The following KCNH1 variants were observed in gnomAD, a reference collection of about 807,000 sequenced individuals.
KCNH1 encodes the protein potassium voltage-gated channel subfamily H member 1, also known as voltage-gated delayed rectifier potassium channel KCNH1.
In KCNH1, 27 loss-of-function variants were observed where a neutral mutation model predicts 69.2. The observed-to-expected ratio is 0.39, with a 90% CI of 0.29 to 0.54. The LOEUF is 0.54. KCNH1 is among the 20% of genes least tolerant of loss of function. The pLI, the probability that KCNH1 is intolerant of heterozygous loss-of-function variation, is 0.68. For missense variants in KCNH1, 798 were observed against 1,261.6 expected, an observed-to-expected ratio of 0.63 and a Z score of 5.57; for synonymous variants, 456 against 487.7, an observed-to-expected ratio of 0.93 and a Z score of 0.86.
rs1681246389 is a variant in KCNH1, at chr1:210,680,813, T to C, written c.*2468A>G. 1 of 152,134 alleles carries C rather than the reference T, an allele frequency of 6.6e-6. No individual in the cohort carries two copies. The allele number at this position is 152,134 out of a possible 1,614,324, so 9.4% of individuals were successfully genotyped here. A position where few individuals can be genotyped will look rare whatever the true frequency, so the allele number is the denominator to read the frequency against. On this transcript the variant is annotated 3_prime_UTR_variant, in exon 11 of 11. Coordinates refer to ENST00000271751, the MANE Select transcript of KCNH1 (RefSeq NM_172362.3). ...TGCCGCAGGAGCTGGCTTCCAGTCA[T>C]GAGCCCAGTTTGCGCTGATTCACGA...
chr1:211,127,313 C>A (rs1037866623), intron 1 of KCNH1, among the ~76,000 whole-genome samples: 1 of 151,818 alleles, frequency 6.6e-6, no homozygotes. Flanking sequence ...AAATATAAAT[C>A]ATTCACTTCC....
At chr1:210,986,882 C>T (rs186561873) in intron 6 of KCNH1, among the ~76,000 whole-genome samples, 10 of 152,304 alleles carry the variant, frequency 6.6e-5, no homozygotes, top group Admixed American at 2.0e-4. Flanking sequence ...AGAGTGTTTT[C>T]CAACTTGGTT....
chr1:211,121,285 C>A (rs191911005), intron 1 of KCNH1, among the ~76,000 whole-genome samples: 1 of 152,166 alleles, frequency 6.6e-6, no homozygotes, highest in Non-Finnish European at 1.5e-5. Flanking sequence ...AACTACACTA[C>A]GAGGCTATAA....
At chr1:210,687,683 C>A (rs1275619936) in intron 10 of KCNH1, among the ~76,000 whole-genome samples, 1 of 152,248 alleles carries the variant, frequency 6.6e-6, no homozygotes, top group Non-Finnish European at 1.5e-5. Flanking sequence ...GCTCTGCTTA[C>A]TAACTTCGAC....
intron 7 of KCNH1, among the ~76,000 whole-genome samples, chr1:210,864,841 C>T (rs1282708500): frequency 1.3e-5 from 2 of 152,230 alleles, no homozygotes; most frequent in Non-Finnish European, 2.9e-5. Context: ...TAGTTGGAAT[C>T]ATCTATGAGC....
intron 6 of KCNH1, among the ~76,000 whole-genome samples, chr1:210,986,851 T>C (rs1310729434): frequency 6.6e-6 from 1 of 152,256 alleles, no homozygotes; most frequent in African/African-American, 2.4e-5. Context: ...ATTGGGGAAG[T>C]TCTCCTGGAT....
At chr1:210,866,798 C>T (rs1460967295) in intron 7 of KCNH1, among the ~76,000 whole-genome samples, 2 of 152,078 alleles carry the variant, frequency 1.3e-5, no homozygotes, top group Admixed American at 1.3e-4. Flanking sequence ...AAAACTTGTA[C>T]ATGAATGCTC....
chr1:210,847,393 T>G (rs1410754611), intron 7 of KCNH1, among the ~76,000 whole-genome samples: 4 of 152,168 alleles, frequency 2.6e-5, no homozygotes, highest in Non-Finnish European at 5.9e-5. Flanking sequence ...TGGAATACTA[T>G]GCAGCCATAA....
chr1:210,710,338 T>G (rs1199905861), intron 10 of KCNH1, among the ~76,000 whole-genome samples: 1 of 151,928 alleles, frequency 6.6e-6, no homozygotes, highest in Non-Finnish European at 1.5e-5. Flanking sequence ...GACATTCCTG[T>G]ACACTACTAT....
intron 10 of KCNH1, among the ~76,000 whole-genome samples, chr1:210,690,533 T>C (rs1244962940): frequency 6.6e-6 from 1 of 152,122 alleles, no homozygotes; most frequent in Non-Finnish European, 1.5e-5. Context: ...ACATGAAGAT[T>C]AACAAACTGG....
chr1:211,007,184 A>C (rs1689301140), intron 6 of KCNH1, among the ~76,000 whole-genome samples: 1 of 152,186 alleles, frequency 6.6e-6, no homozygotes, highest in Admixed American at 6.5e-5. Flanking sequence ...TATTTCACCA[A>C]TAAGTCTAAA....
chr1:211,094,461 G>T (rs1691109696), intron 3 of KCNH1, among the ~76,000 whole-genome samples: 1 of 152,206 alleles, frequency 6.6e-6, no homozygotes, highest in African/African-American at 2.4e-5. Context: ...GGACAGGGAA[G>T]TTAAGTGTTA....
At chr1:210,932,898 A>G (rs898080991) in intron 6 of KCNH1, among the ~76,000 whole-genome samples, 3 of 152,210 alleles carry the variant, frequency 2.0e-5, no homozygotes, top group East Asian at 1.9e-4. Flanking sequence ...ATAGACCCCA[A>G]TAAAATACTA....
chr1:211,054,526 T>C (rs1410701503), intron 5 of KCNH1, among the ~76,000 whole-genome samples: 1 of 152,146 alleles, frequency 6.6e-6, no homozygotes, highest in Non-Finnish European at 1.5e-5. Context: ...TGGTAAAATA[T>C]ATATTGATAA....
Position 210,919,460 on chromosome 1 carries a change from A to T in KCNH1, c.1462+180T>A. ...ACTTTGCACTCTTTTGTATTTTCTA[A>T]ATTTTTTTGCAGTAAGCATATACTG... is the stretch of plus-strand genomic sequence containing the variant. On this transcript the variant is annotated intron_variant, in intron 7 of 10. Coordinates refer to ENST00000271751, the MANE Select transcript of KCNH1 (RefSeq NM_172362.3). This position sits in a 1 kb window ranked among gnomAD's most constrained non-coding sequence, Gnocchi z 4.2. 1 of 639,086 alleles carries T rather than the reference A, an allele frequency of 1.6e-6. No homozygotes were observed. Among genetic ancestry groups the T allele is most frequent in the South Asian group, 2.0e-5 (1 of 48,884 alleles). The allele number at this position is 639,086 out of a possible 1,614,324, so 39.6% of individuals were successfully genotyped here.
At chr1:210,719,461 C>T (rs767878903) in intron 10 of KCNH1, among the ~76,000 whole-genome samples, 6 of 152,118 alleles carry the variant, frequency 3.9e-5, no homozygotes, top group Non-Finnish European at 7.4e-5. Flanking sequence ...AACCAAACAC[C>T]ACATGTTCTC....
intron 10 of KCNH1, among the ~76,000 whole-genome samples, chr1:210,765,466 A>T (rs781589100): frequency 3.3e-5 from 5 of 152,114 alleles, no homozygotes; most frequent in Non-Finnish European, 7.4e-5. Flanking sequence ...TACAATTCTA[A>T]CTCCAATTAG....
intron 1 of KCNH1, among the ~76,000 whole-genome samples, chr1:211,114,876 A>G (rs1035818924): frequency 6.6e-6 from 1 of 152,242 alleles, no homozygotes. Flanking sequence ...TCCTACATAA[A>G]TAAATGGAAA....
intron 4 of KCNH1, among the ~76,000 whole-genome samples, chr1:211,086,122 C>A (rs1319931135): frequency 6.6e-6 from 1 of 152,204 alleles, no homozygotes; most frequent in African/African-American, 2.4e-5. Context: ...TTGTGTCTAG[C>A]ACCTAGCACG....
Sources: allele counts gnomAD v4.1 joint callset (sites outside exome capture counted in the v4.1 genomes callset), GRCh38; gene constraint gnomAD v4.1.1; non-coding constraint Gnocchi (gnomAD v3.1); transcripts MANE v1.5; gene names NCBI Gene and HGNC (gene_info 2026-07-23, HGNC 2026-07-21).